EBF1: variants seen among roughly 807,000 people sequenced by gnomAD.
EBF1 encodes transcription factor COE1.
A neutral mutation model predicts 68.4 loss-of-function variants in EBF1; 10 were observed. The ratio of observed to expected loss-of-function variants is 0.15; its 90% CI spans 0.09 to 0.25. EBF1 has a LOEUF of 0.25. EBF1 is among the 10% of genes least tolerant of loss of function. The probability of loss-of-function intolerance (pLI) is 1.00; values close to 1 mark genes in which losing one functional copy is unlikely to be tolerated. For missense variants in EBF1, 509 were observed against 794.4 expected, an observed-to-expected ratio of 0.64 and a Z score of 4.32; for synonymous variants, 298 against 299.8, an observed-to-expected ratio of 0.99 and a Z score of 0.06.
At chr5:158,824,890 C>T (rs1411461830) in intron 7 of EBF1, among the ~76,000 whole-genome samples, 11 of 152,198 alleles carry the variant, frequency 7.2e-5, no homozygotes, top group Middle Eastern at 3.2e-3. Context: ...AAGATGCCCA[C>T]GAATTGCAGG....
intron 9 of EBF1, among the ~76,000 whole-genome samples, chr5:158,786,640 T>G (rs1777501422): frequency 1.3e-5 from 2 of 152,190 alleles, no homozygotes; most frequent in Admixed American, 1.3e-4. Context: ...GGCTTGTTTT[T>G]CTAAATTCAG....
At chr5:159,073,685 G>C in intron 5 of EBF1, 1 of 541,982 alleles carries the variant, frequency 1.8e-6, no homozygotes, top group Non-Finnish European at 3.3e-6. Flanking sequence ...GTGGGGGAGA[G>C]GGGCTCTCCC....
intron 6 of EBF1, among the ~76,000 whole-genome samples, chr5:159,002,052 A>G (rs1294268066): frequency 6.6e-6 from 1 of 152,080 alleles, no homozygotes; most frequent in African/African-American, 2.4e-5. Flanking sequence ...GGGTTCCAAT[A>G]CAGTTGTTGT....
At chr5:158,985,367 C>T (rs1309241394) in intron 6 of EBF1, among the ~76,000 whole-genome samples, 8 of 152,184 alleles carry the variant, frequency 5.3e-5, no homozygotes, top group Non-Finnish European at 1.0e-4. Context: ...CTGCACACTA[C>T]AATCACCTGA....
At chr5:159,038,250 A>G (rs2127766501) in intron 6 of EBF1, among the ~76,000 whole-genome samples, 1 of 152,306 alleles carries the variant, frequency 6.6e-6, no homozygotes, top group East Asian at 1.9e-4. Flanking sequence ...CAAAAAGATA[A>G]AACACCATGG....
At chr5:158,798,333 T>C (rs1004725598) in intron 8 of EBF1, among the ~76,000 whole-genome samples, 11 of 152,224 alleles carry the variant, frequency 7.2e-5, no homozygotes, top group African/African-American at 2.7e-4. Flanking sequence ...TTGCTGACCC[T>C]GAGATTACCC....
chr5:159,061,279 T>G (rs1444797302), intron 6 of EBF1, among the ~76,000 whole-genome samples: 1 of 152,152 alleles, frequency 6.6e-6, no homozygotes, highest in African/African-American at 2.4e-5. Flanking sequence ...AAGGGCTCTG[T>G]GGAACCAGCT....
intron 6 of EBF1, among the ~76,000 whole-genome samples, chr5:158,842,356 A>C (rs1374143577): frequency 6.6e-6 from 1 of 152,200 alleles, no homozygotes; most frequent in Non-Finnish European, 1.5e-5. Flanking sequence ...GACACTGAAG[A>C]CATGAAAACT....
At chr5:159,069,585 A>G (rs1440156385) in intron 6 of EBF1, among the ~76,000 whole-genome samples, 1 of 152,182 alleles carries the variant, frequency 6.6e-6, no homozygotes, top group East Asian at 1.9e-4. Flanking sequence ...AACAGTCTGC[A>G]TACTTAATAT....
rs187679014 is a variant in EBF1, at chr5:158,940,124, A to G, written c.555-100014T>C. Among the ~76,000 whole-genome samples the G allele has an allele frequency of 3.9e-3, 589 of 152,284 alleles. 2 individuals are homozygous for G. The highest frequency in any genetic ancestry group is 0.013 in the African/African-American group (530 of 41,562). On this transcript the variant is annotated intron_variant, in intron 6 of 15. Transcript: ENST00000313708. ...GGAGAGTTTTCTTGTTCTCACTTCA[A>G]TTTAGCAGAATCACCAGCTGCAGCC... is the stretch of plus-strand genomic sequence containing the variant.
chr5:158,823,279 G>A lies in EBF1; in HGVS notation c.675C>T (p.Val225=). Residue 225 remains valine, a synonymous_variant, in exon 8 of 16, where the codon GTC becomes GTT. Transcript: ENST00000313708. ...VSTTVNVDGH[V]LAVSDNMFVH... is the part of the protein sequence containing the mutation. ...CAAACATGTTATCAGAGACTGCCAG[G>A]ACATGGCCATCCACATTGACTGTCG... The A allele has an allele frequency of 6.2e-7, 1 of 1,613,878 alleles. No homozygotes were observed. Among genetic ancestry groups the A allele is most frequent in the Non-Finnish European group, 8.5e-7 (1 of 1,179,876 alleles).
At chr5:158,896,223 C>T (rs369022112) in intron 6 of EBF1, among the ~76,000 whole-genome samples, 3 of 152,260 alleles carry the variant, frequency 2.0e-5, no homozygotes, top group Admixed American at 6.5e-5. Context: ...ATGTGGAGAA[C>T]GGATCACAGA....
chr5:158,902,020 G>T (rs552820772), intron 6 of EBF1, among the ~76,000 whole-genome samples: 36 of 152,268 alleles, frequency 2.4e-4, no homozygotes, highest in African/African-American at 8.2e-4. Context: ...GAACCAGGGG[G>T]GCGGAGGTTG....
At chr5:158,839,948 G>C (rs769672630) in intron 7 of EBF1, 81 bp downstream of exon 7, 8 of 1,384,060 alleles carry the variant, frequency 5.8e-6, no homozygotes, top group Non-Finnish European at 8.2e-6. Context: ...AAAAAGCTAC[G>C]TATCTTCTGC....
chr5:158,700,036 T>G (rs1425008167), intron 15 of EBF1, among the ~76,000 whole-genome samples: 12 of 152,184 alleles, frequency 7.9e-5, no homozygotes, highest in Admixed American at 7.9e-4. Context: ...TTAGGGTTAT[T>G]GGAGAGGTGA....
rs1388755764 is a variant in EBF1, at chr5:158,999,244, T to C, written c.554+74152A>G. On this transcript the variant is annotated intron_variant, in intron 6 of 15. Transcript: ENST00000313708. ...CAAAAACAGAAAATGTGACCAATAG[T>C]TGTTCCAAGCAACGGAGACATAACT... is the stretch of plus-strand genomic sequence containing the variant. Among the ~76,000 whole-genome samples the C allele has an allele frequency of 2.6e-5, 4 of 152,144 alleles. No homozygotes were observed. The East Asian group carries it at 5.8e-4, about 22-fold the overall frequency.
At chr5:158,778,883 T>C (rs1042893937) in intron 9 of EBF1, among the ~76,000 whole-genome samples, 6 of 152,218 alleles carry the variant, frequency 3.9e-5, no homozygotes, top group Non-Finnish European at 5.9e-5. Context: ...TATTTATCCC[T>C]GTACTAAATG....
chr5:159,046,911 C>T (rs1449578281), intron 6 of EBF1, among the ~76,000 whole-genome samples: 2 of 152,214 alleles, frequency 1.3e-5, no homozygotes, highest in Non-Finnish European at 2.9e-5. Context: ...AAGATTCACT[C>T]AGTTGGTTCT....
intron 6 of EBF1, among the ~76,000 whole-genome samples, chr5:158,978,814 A>ACG (rs1174117038): frequency 7.4e-5 from 11 of 148,576 alleles, no homozygotes; most frequent in African/African-American, 2.8e-4. Flanking sequence ...ACACACACAC[A>ACG]CACACACACA....
Sources: gnomAD v4.1 joint callset for allele counts (sites outside exome capture counted in the v4.1 genomes callset) on GRCh38, gnomAD v4.1.1 for gene constraint, MANE v1.5 for transcripts, NCBI Gene and HGNC (gene_info 2026-07-23, HGNC 2026-07-21) for gene names.